Variants in ABCB9 observed in about 807,000 individuals in gnomAD.
ABCB9 encodes the protein ATP binding cassette subfamily B member 9.
ABCB9 carries 36 observed loss-of-function variants against 62.0 expected under a neutral mutation model. That is an observed-to-expected ratio of 0.58 (90% confidence interval 0.45 to 0.77). The LOEUF (loss-of-function observed/expected upper bound fraction) is 0.77, where lower values mean the gene tolerates loss of function less well. Ranked by LOEUF, ABCB9 falls within the 30% of genes least tolerant of loss-of-function variation. ABCB9 has a pLI of 0.00. For missense variants in ABCB9, 943 were observed against 1,054.7 expected (o/e 0.89, Z 1.47); for synonymous variants, 435 against 461.4 (o/e 0.94, Z 0.73).
At chr12:122,949,427 G>C (rs1223065148) in intron 4 of ABCB9, 1 of 220,756 alleles carries the variant, frequency 4.5e-6, no homozygotes, top group African/African-American at 2.2e-5. Flanking sequence ...TCCCCGTTGT[G>C]GCCCCTGGCC....
In ABCB9 at chr12:122,949,878, T is replaced by C. The variant is rs759949628; in HGVS notation, c.757A>G (p.Ile253Val). 8 of 1,614,008 alleles carry C rather than the reference T, an allele frequency of 5.0e-6. No homozygotes were observed. The highest frequency in any genetic ancestry group is 6.8e-6 in the Non-Finnish European group (8 of 1,179,998). The change falls in exon 4 of 12, where the codon ATA (isoleucine) becomes GTA (valine). Residue 253 changes from isoleucine to valine, a missense_variant. Coordinates refer to ENST00000280560, the MANE Select transcript of ABCB9 (RefSeq NM_019625.4). Reference sequence around the variant, plus strand: ...AGGCGAATGTTCAGTCTGGCAAATATGAGGGTAAAAATGCCGCCCCGAATA... The same window carrying C: ...AGGCGAATGTTCAGTCTGGCAAATACGAGGGTAAAAATGCCGCCCCGAATA... ...AGIRGGIFTLIFARLNIRLRN... is the reference protein window; with the variant it reads ...AGIRGGIFTLVFARLNIRLRN...
At chr12:122,925,127 C>T (rs2034857820), downstream of ABCB9, among the ~76,000 whole-genome samples, 7 of 152,166 alleles carry the variant, frequency 4.6e-5, no homozygotes. Flanking sequence ...CACCACGTTG[C>T]CCAGGCTGGT....
chr12:122,935,124 G>T (rs1473271418), intron 10 of ABCB9, 148 bp downstream of exon 10: 1 of 956,110 alleles, frequency 1.0e-6, no homozygotes, highest in Non-Finnish European at 1.5e-6. Flanking sequence ...TTGAGCGCAG[G>T]AGGTTCGAGT....
At chr12:122,918,759 C>T (rs1307301074), downstream of ABCB9, among the ~76,000 whole-genome samples, 2 of 152,048 alleles carry the variant, frequency 1.3e-5, no homozygotes, top group Non-Finnish European at 2.9e-5. Flanking sequence ...CACCTGGCCA[C>T]TTACCCATTT....
chr12:122,959,068 T>C lies in ABCB9; in HGVS notation c.601+567A>G, dbSNP rs1227423399. Among the ~76,000 whole-genome samples, 1 of 144,382 alleles carries C rather than the reference T, an allele frequency of 6.9e-6. No homozygotes were observed. The highest frequency in any genetic ancestry group is 1.5e-5 in the Non-Finnish European group (1 of 66,124). 94.7% of individuals were successfully genotyped at this position (144,382 alleles called of 152,430 possible). A position where few individuals can be genotyped will look rare whatever the true frequency, so the allele number is the denominator to read the frequency against. On this transcript the variant is annotated intron_variant, in intron 2 of 11. Coordinates refer to ENST00000280560, the MANE Select transcript of ABCB9 (RefSeq NM_019625.4). This position sits in a 1 kb window ranked among gnomAD's most constrained non-coding sequence, Gnocchi z 5.4. ...CGTTTTAAATTACATAAAATAGAAA[T>C]GGGGCAGGCACCGTGGCTCACGCCT...
Position 122,929,149 on chromosome 12 carries a change from C to A in ABCB9, c.*762G>T. 2 of 983,456 alleles carry A rather than the reference C, an allele frequency of 2.0e-6. No individual in the cohort carries two copies. Among genetic ancestry groups the A allele is most frequent in the Non-Finnish European group, 2.4e-6 (2 of 829,674 alleles). 60.9% of individuals were successfully genotyped at this position (983,456 alleles called of 1,614,324 possible). On this transcript the variant is annotated 3_prime_UTR_variant, in exon 12 of 12. Transcript: ENST00000280560. The surrounding 1 kb of genome is among the most constrained non-coding windows in gnomAD (Gnocchi z 6.0). ...CACGTGGCCTCCAGACAGCAGAGCA[C>A]AGGGGCGGGTGTGGGGAGGGAGGCT...
At chr12:122,945,401 C>G (rs1054318777) in intron 6 of ABCB9, among the ~76,000 whole-genome samples, 2 of 152,128 alleles carry the variant, frequency 1.3e-5, no homozygotes, top group African/African-American at 2.4e-5. Flanking sequence ...CTGTGACGCA[C>G]TCCCGGGAGT....
rs1426054877 is a variant in ABCB9 at position 122,947,517 on chromosome 12, C to A, written c.1053+1107G>T. 1 of 452,996 alleles carries A rather than the reference C, an allele frequency of 2.2e-6. No homozygotes were observed. 28.1% of individuals were successfully genotyped at this position (452,996 alleles called of 1,614,324 possible). On this transcript the variant is annotated intron_variant, in intron 5 of 11. Coordinates refer to ENST00000280560, the MANE Select transcript of ABCB9 (RefSeq NM_019625.4). This position sits in a 1 kb window ranked among gnomAD's most constrained non-coding sequence, Gnocchi z 6.0. The stretch of plus-strand genomic sequence containing the variant: ...GCCGTCATGCATCCAAGCCCCTGCT[C>A]TAGAAGTACCCCACGTGGGCCTGGG...
chr12:122,961,725 C>T (rs1429799658), intron 1 of ABCB9, among the ~76,000 whole-genome samples: 6 of 152,260 alleles, frequency 3.9e-5, no homozygotes, highest in East Asian at 1.9e-4. Flanking sequence ...ATAGTGAGGA[C>T]GAAGCTGAGA....
In ABCB9 at chr12:122,944,068, A is replaced by G. The variant is rs1249955923; in HGVS notation, c.1380+323T>C. On this transcript the variant is annotated intron_variant, in intron 7 of 11. Coordinates refer to ENST00000280560, the MANE Select transcript of ABCB9 (RefSeq NM_019625.4). The surrounding 1 kb of genome is among the most constrained non-coding windows in gnomAD (Gnocchi z 4.9). ...ATTCTCCTCTCAAGTAGCTGGGATT[A>G]CAGGTACCCACCAACACGCTTGGCT... Among the ~76,000 whole-genome samples, 1 of 152,156 alleles carries G rather than the reference A, an allele frequency of 6.6e-6. No homozygotes were observed. The highest frequency in any genetic ancestry group is 1.9e-4 in the East Asian group (1 of 5,194).
At chr12:122,946,697 A>G (rs1322230299) in intron 5 of ABCB9, among the ~76,000 whole-genome samples, 1 of 152,232 alleles carries the variant, frequency 6.6e-6, no homozygotes, top group East Asian at 1.9e-4. Flanking sequence ...GAGGGTTGAT[A>G]AAGAGATTCC....
At chr12:122,925,676 A>G (rs2034882863), downstream of ABCB9, among the ~76,000 whole-genome samples, 1 of 152,144 alleles carries the variant, frequency 6.6e-6, no homozygotes, top group African/African-American at 2.4e-5. Flanking sequence ...TGAACCCGGG[A>G]GGCGGAGCTT....
chr12:122,932,422 G>C lies in ABCB9; in HGVS notation c.1904-94C>G. On this transcript the variant is annotated intron_variant, in intron 10 of 11. Coordinates refer to ENST00000280560, the MANE Select transcript of ABCB9 (RefSeq NM_019625.4). The surrounding 1 kb of genome is among the most constrained non-coding windows in gnomAD (Gnocchi z 4.7). ...GGCCCTGCCCTGCAGCTGTGGAAAG[G>C]GCGGGCTGGAACCCACAACTTGAAA... 2.1e-6 allele frequency: 3 copies of C among 1,448,550 alleles called. No homozygotes were observed. The highest frequency in any genetic ancestry group is 2.7e-6 in the Non-Finnish European group (3 of 1,093,982). The allele number at this position is 1,448,550 out of a possible 1,614,324, so 89.7% of individuals were successfully genotyped here. A position where few individuals can be genotyped will look rare whatever the true frequency, so the allele number is the denominator to read the frequency against.
At position 122,932,479 on chromosome 12, in the gene ABCB9, C is replaced by T; in HGVS notation, c.1904-151G>A. On this transcript the variant is annotated intron_variant, in intron 10 of 11. Transcript: ENST00000280560. This position sits in a 1 kb window ranked among gnomAD's most constrained non-coding sequence, Gnocchi z 4.7. ...GAAATGATGTTCCCCCCACCCAACTCATAAGGGGCATGCAGATTAAGCCTA... is the reference window on the plus strand; with the variant it reads ...GAAATGATGTTCCCCCCACCCAACTTATAAGGGGCATGCAGATTAAGCCTA... The T allele has an allele frequency of 1.9e-6, 2 of 1,047,220 alleles. No homozygotes were observed. The allele number at this position is 1,047,220 out of a possible 1,614,324, so 64.9% of individuals were successfully genotyped here. A position where few individuals can be genotyped will look rare whatever the true frequency, so the allele number is the denominator to read the frequency against.
At chr12:122,966,907 G>T (rs565552491), upstream of ABCB9, among the ~76,000 whole-genome samples, 2 of 152,378 alleles carry the variant, frequency 1.3e-5, no homozygotes, top group South Asian at 4.1e-4. Context: ...TCACCCAACA[G>T]ATATTTATCC....
At chr12:122,963,246 C>T (rs1056287134) in intron 1 of ABCB9, among the ~76,000 whole-genome samples, 4 of 152,150 alleles carry the variant, frequency 2.6e-5, no homozygotes, top group South Asian at 4.2e-4. Flanking sequence ...TGCGGTGAGC[C>T]GAGATTGCGC....
intron 9 of ABCB9, among the ~76,000 whole-genome samples, chr12:122,936,830 C>T (rs558960390): frequency 2.0e-5 from 3 of 150,242 alleles, no homozygotes; most frequent in East Asian, 4.0e-4. Flanking sequence ...CTTGACCCCT[C>T]GAGGCGGAGG....
intron 9 of ABCB9, among the ~76,000 whole-genome samples, chr12:122,937,910 T>C (rs2035541942): frequency 6.6e-6 from 1 of 152,220 alleles, no homozygotes; most frequent in Admixed American, 6.5e-5. Context: ...GGTGTTATGG[T>C]TCCTTTCCTG....
intron 5 of ABCB9, chr12:122,948,366 A>G: frequency 2.7e-6 from 1 of 375,574 alleles, no homozygotes; most frequent in South Asian, 4.5e-5. Context: ...GTTGGTACCT[A>G]GTATCTGTCT....
Sources: gnomAD v4.1 joint callset for allele counts (sites outside exome capture counted in the v4.1 genomes callset) on GRCh38, gnomAD v4.1.1 for gene constraint, Gnocchi (gnomAD v3.1) non-coding constraint, MANE v1.5 for transcripts, NCBI Gene and HGNC (gene_info 2026-07-23, HGNC 2026-07-21) for gene names.